The following KCNQ1 variants were observed in gnomAD, a reference collection of about 807,000 sequenced individuals.
KCNQ1 encodes potassium voltage-gated channel subfamily KQT member 1.
A neutral mutation model predicts 72.4 loss-of-function variants in KCNQ1; 49 were observed. That is an observed-to-expected ratio of 0.68 (90% CI 0.54 to 0.86). The LOEUF (loss-of-function observed/expected upper bound fraction) is 0.86. Among genes scored for constraint, KCNQ1 ranks in the 40% least tolerant of loss-of-function variants. The probability of loss-of-function intolerance (pLI) is 0.00; values close to 1 mark genes in which losing one functional copy is unlikely to be tolerated. For synonymous variants in KCNQ1, 450 were observed against 412.6 expected (o/e 1.09, Z -1.10); for missense variants, 790 against 945.1 (o/e 0.84, Z 2.15).
At chr11:2,638,719 C>A (rs184667599) in intron 10 of KCNQ1, 1 of 152,108 alleles carries the variant, frequency 6.6e-6, no homozygotes, top group Non-Finnish European at 1.5e-5. Context: ...TGAATGTTGG[C>A]CTGCCTTGCT....
rs192090775 is a variant in KCNQ1, at chr11:2,547,526, G to T, written c.477+19508G>T. Among the ~76,000 whole-genome samples, 1 of 152,240 alleles carries T rather than the reference G, an allele frequency of 6.6e-6. No individual in the cohort carries two copies. Among genetic ancestry groups the T allele is most frequent in the East Asian group, 1.9e-4 (1 of 5,186 alleles). On this transcript the variant is annotated intron_variant, in intron 2 of 15. Transcript: ENST00000155840. The surrounding 1 kb of genome is among the most constrained non-coding windows in gnomAD (Gnocchi z 4.2). Reference sequence around the variant, plus strand: ...TGGGATCACAGGCATGAGCCACCGTGCCCAGCCTGTATTTTTGTCCTAATA... The same window carrying T: ...TGGGATCACAGGCATGAGCCACCGTTCCCAGCCTGTATTTTTGTCCTAATA...
chr11:2,797,574 G>T (rs1378046892), intron 15 of KCNQ1, among the ~76,000 whole-genome samples: 1 of 152,040 alleles, frequency 6.6e-6, no homozygotes, highest in Non-Finnish European at 1.5e-5. Flanking sequence ...TCCGGAGCTC[G>T]AGGGCCCTTT....
intron 2 of KCNQ1, among the ~76,000 whole-genome samples, chr11:2,555,053 C>G (rs891276857): frequency 6.6e-6 from 1 of 152,202 alleles, no homozygotes; most frequent in South Asian, 2.1e-4. Context: ...TAACCGCAGG[C>G]CTTCCTGTCC....
At position 2,612,123 on chromosome 11, in the gene KCNQ1, ACT is replaced by A; in HGVS notation, c.1393+23270_1393+23271del. The A allele has an allele frequency of 1.8e-5, 7 of 398,592 alleles. No homozygotes were observed. The highest frequency in any genetic ancestry group is 3.1e-5 in the Non-Finnish European group (7 of 226,058). The allele number at this position is 398,592 out of a possible 1,614,324, so 24.7% of individuals were successfully genotyped here. A position where few individuals can be genotyped will look rare whatever the true frequency, so the allele number is the denominator to read the frequency against. Reference sequence around the variant, plus strand: ...GGGGTTCCCAACCCCAGGGCCATGGACTGGTACCAGTCTGTGGCCTATTAGAA... The same window carrying A: ...GGGGTTCCCAACCCCAGGGCCATGGAGGTACCAGTCTGTGGCCTATTAGAA... On this transcript the variant is annotated intron_variant, in intron 10 of 15. Coordinates refer to ENST00000155840, the MANE Select transcript of KCNQ1 (RefSeq NM_000218.3). The surrounding 1 kb of genome is among the most constrained non-coding windows in gnomAD (Gnocchi z 5.5).
chr11:2,471,904 G>C lies in KCNQ1; in HGVS notation c.386+26420G>C, dbSNP rs768943841. Among the ~76,000 whole-genome samples the C allele has an allele frequency of 2.6e-5, 4 of 151,058 alleles. No homozygotes were observed. Among genetic ancestry groups the C allele is most frequent in the Non-Finnish European group, 4.4e-5 (3 of 67,812 alleles). On this transcript the variant is annotated intron_variant, in intron 1 of 15. Coordinates refer to ENST00000155840, the MANE Select transcript of KCNQ1 (RefSeq NM_000218.3). The surrounding 1 kb of genome is among the most constrained non-coding windows in gnomAD (Gnocchi z 4.8). ...TGCACATGTGTATAGGTGTGTGTAT[G>C]CGTGCACCTATGTGTGTATAGGCGT...
At chr11:2,500,482 CTAGAACCCAAA>C (rs1305787942) in intron 1 of KCNQ1, among the ~76,000 whole-genome samples, 1 of 152,132 alleles carries the variant, frequency 6.6e-6, no homozygotes, top group Non-Finnish European at 1.5e-5. Flanking sequence ...CCTCAAGGAT[CTAGAACCCAAA>C]TACCATTTGA....
chr11:2,692,790 T>G, intron 11 of KCNQ1: 1 of 398,662 alleles, frequency 2.5e-6, no homozygotes, highest in Non-Finnish European at 4.4e-6. Context: ...TGACAAATAT[T>G]TCTTGAATGA....
At position 2,691,300 on chromosome 11, in the gene KCNQ1, G is replaced by A. The variant is rs1850583950; in HGVS notation, c.1514+29219G>A. On this transcript the variant is annotated intron_variant, in intron 11 of 15. Transcript: ENST00000155840. The surrounding 1 kb of genome is among the most constrained non-coding windows in gnomAD (Gnocchi z 6.4). ...CAGGAAGGAGAGCTGACAAGAAAAA[G>A]GCGATGTCTCACCCCTGAGCTACAA... 2.5e-6 allele frequency: 1 copy of A among 398,498 alleles called. No individual in the cohort carries two copies. Among genetic ancestry groups the A allele is most frequent in the South Asian group, 1.3e-4 (1 of 7,854 alleles). 24.7% of individuals were successfully genotyped at this position (398,498 alleles called of 1,614,324 possible).
Position 2,745,580 on chromosome 11 carries a change from C to G in KCNQ1, c.1515-23264C>G, listed in dbSNP as rs1456486689. Among the ~76,000 whole-genome samples, 9 of 152,212 alleles carry G rather than the reference C, an allele frequency of 5.9e-5. No individual in the cohort carries two copies. Among genetic ancestry groups the G allele is most frequent in the African/African-American group, 2.2e-4 (9 of 41,446 alleles). On this transcript the variant is annotated intron_variant, in intron 11 of 15. Coordinates refer to ENST00000155840, the MANE Select transcript of KCNQ1 (RefSeq NM_000218.3). The surrounding 1 kb of genome is among the most constrained non-coding windows in gnomAD (Gnocchi z 6.2). ...GGAGGAGTCAGCGTGACCACAGGCC[C>G]CCATTCCCCAGCCCCTAATGTTCTT...
chr11:2,496,874 G>GCCTGGTGGTGACAAAATC (rs56276136), intron 1 of KCNQ1, among the ~76,000 whole-genome samples: 143 of 151,876 alleles, frequency 9.4e-4, no homozygotes, highest in Middle Eastern at 6.9e-3. Context: ...TGTAAGGCAA[G>GCCTGGTGGTGACAAAATC]CCTCAGCATT....
rs1183333507 is a variant in KCNQ1, at chr11:2,595,530, A to G, written c.1393+6676A>G. 6.6e-6 allele frequency among the ~76,000 whole-genome samples: 1 copy of G among 152,208 alleles called. No homozygotes were observed. Among genetic ancestry groups the G allele is most frequent in the African/African-American group, 2.4e-5 (1 of 41,458 alleles). ...GCTAAATCTACTCTGCTTATGCTCT[A>G]TAATGAAGCAACAAAGCCCGATGAC... On this transcript the variant is annotated intron_variant, in intron 10 of 15. Transcript: ENST00000155840. The surrounding 1 kb of genome is among the most constrained non-coding windows in gnomAD (Gnocchi z 5.0).
At chr11:2,448,068 G>C (rs1440921782) in intron 1 of KCNQ1, among the ~76,000 whole-genome samples, 1 of 152,218 alleles carries the variant, frequency 6.6e-6, no homozygotes, top group Non-Finnish European at 1.5e-5. Flanking sequence ...GCCCCCACTG[G>C]GGGCAGCTCC....
In KCNQ1 at chr11:2,671,649, G is replaced by A. The variant is rs1282464452; in HGVS notation, c.1514+9568G>A. ...CAGCAGTGTCCTGTGGTGCCCTGCT[G>A]GGGAAACTGAGGCAGAGAGCAGGGG... On this transcript the variant is annotated intron_variant, in intron 11 of 15. Coordinates refer to ENST00000155840, the MANE Select transcript of KCNQ1 (RefSeq NM_000218.3). This position sits in a 1 kb window ranked among gnomAD's most constrained non-coding sequence, Gnocchi z 4.7. The A allele has an allele frequency of 2.0e-5, 8 of 395,086 alleles. No homozygotes were observed. Among genetic ancestry groups the A allele is most frequent in the Non-Finnish European group, 3.1e-5 (7 of 225,032 alleles). 24.5% of individuals were successfully genotyped at this position (395,086 alleles called of 1,614,324 possible). A position where few individuals can be genotyped will look rare whatever the true frequency, so the allele number is the denominator to read the frequency against.
At chr11:2,570,209 T>C (rs916149289) in intron 2 of KCNQ1, among the ~76,000 whole-genome samples, 4 of 151,916 alleles carry the variant, frequency 2.6e-5, no homozygotes, top group Non-Finnish European at 5.9e-5. Flanking sequence ...CTGGGGTTCC[T>C]GGCGTCGGAC....
chr11:2,542,954 T>C (rs953586619), intron 2 of KCNQ1, among the ~76,000 whole-genome samples: 3 of 152,094 alleles, frequency 2.0e-5, no homozygotes, highest in East Asian at 1.9e-4. Flanking sequence ...TTTTTAACTA[T>C]TTAAGAAACT....
At chr11:2,701,383 C>G (rs1850811416) in intron 11 of KCNQ1, among the ~76,000 whole-genome samples, 1 of 152,188 alleles carries the variant, frequency 6.6e-6, no homozygotes, top group South Asian at 2.1e-4. Flanking sequence ...ATCCCCTGGG[C>G]GCCTGTCCCT....
chr11:2,797,268 G>A (rs544786776), intron 15 of KCNQ1, among the ~76,000 whole-genome samples: 1 of 152,194 alleles, frequency 6.6e-6, no homozygotes, highest in Admixed American at 6.5e-5. Flanking sequence ...CAGCTCCCCA[G>A]AGACAGCCAG....
chr11:2,828,236 T>A lies in KCNQ1; in HGVS notation c.1795-19531T>A, dbSNP rs1416158370. ...AACTCTGAGAAGTCAGGACAGGAGA[T>A]GGTGTCGTCAGGGGGCTGCTGGAAG... On this transcript the variant is annotated intron_variant, in intron 15 of 15. Coordinates refer to ENST00000155840, the MANE Select transcript of KCNQ1 (RefSeq NM_000218.3). This position sits in a 1 kb window ranked among gnomAD's most constrained non-coding sequence, Gnocchi z 5.3. Among the ~76,000 whole-genome samples, 3 of 152,034 alleles carry A rather than the reference T, an allele frequency of 2.0e-5. No individual in the cohort carries two copies. The highest frequency in any genetic ancestry group is 4.4e-5 in the Non-Finnish European group (3 of 67,998).
chr11:2,795,922 G>A (rs1041454277), intron 15 of KCNQ1, among the ~76,000 whole-genome samples: 3 of 152,152 alleles, frequency 2.0e-5, no homozygotes, highest in Admixed American at 6.5e-5. Context: ...CACAGGGCTT[G>A]GAGATGGAGG....
Sources: gnomAD v4.1 joint callset for allele counts (sites outside exome capture counted in the v4.1 genomes callset) on GRCh38, gnomAD v4.1.1 for gene constraint, Gnocchi (gnomAD v3.1) non-coding constraint, MANE v1.5 for transcripts, NCBI Gene and HGNC (gene_info 2026-07-23, HGNC 2026-07-21) for gene names.